The following TSHZ3 variants were observed in gnomAD, a reference collection of about 807,000 sequenced individuals.
TSHZ3 encodes the protein teashirt homolog 3.
In TSHZ3, 10 loss-of-function variants were observed where a neutral mutation model predicts 64.5. The observed-to-expected ratio is 0.16, with a 90% CI of 0.10 to 0.26. TSHZ3 has a LOEUF of 0.26. Ranked by LOEUF, TSHZ3 falls within the 10% of genes least tolerant of loss-of-function variation. The pLI, the probability that TSHZ3 is intolerant of heterozygous loss-of-function variation, is 1.00. For missense variants in TSHZ3, 1,242 were observed against 1,421.7 expected (o/e 0.87, Z 2.03); for synonymous variants, 608 against 593.1 (o/e 1.03, Z -0.36).
intron 5 of TSHZ3, among the ~76,000 whole-genome samples, chr19:31,166,453 A>C (rs1974453469): frequency 6.6e-6 from 1 of 152,158 alleles, no homozygotes; most frequent in Non-Finnish European, 1.5e-5. Context: ...TATCCTCTGT[A>C]GGGCATTCTA....
At chr19:31,323,393 C>T (rs577342352) in intron 1 of TSHZ3, among the ~76,000 whole-genome samples, 8 of 152,278 alleles carry the variant, frequency 5.3e-5, no homozygotes, top group African/African-American at 1.2e-4. Context: ...GGTGAGCTCC[C>T]GTAAATAGGT....
At chr19:31,263,586 A>G (rs1254272320) in intron 1 of TSHZ3, among the ~76,000 whole-genome samples, 3 of 152,148 alleles carry the variant, frequency 2.0e-5, no homozygotes, top group Non-Finnish European at 4.4e-5. Context: ...GACTTCCTGC[A>G]TGGGGCCACT....
chr19:31,245,420 C>T (rs1975747777), intron 1 of TSHZ3, among the ~76,000 whole-genome samples: 2 of 152,176 alleles, frequency 1.3e-5, no homozygotes, highest in Non-Finnish European at 2.9e-5. Flanking sequence ...AGAAGCTGCT[C>T]TTAAAAGAAA....
Position 31,277,167 on chromosome 19 carries a change from C to A in TSHZ3, c.2626G>T (p.Gly876Trp). 6.2e-7 allele frequency: 1 copy of A among 1,613,912 alleles called. No homozygotes were observed. The highest frequency in any genetic ancestry group is 1.1e-5 in the South Asian group (1 of 91,042). ...SSISEKSDID[G>W]ATLEEAEEST... ...TCCTCAGCCTCCTCCAGAGTGGCCC[C>A]GTCAATGTCAGACTTCTCGGAGATG... The change falls in exon 2 of 2, where the codon GGG (glycine) becomes TGG (tryptophan). Residue 876 changes from glycine (G) to tryptophan (W), a missense_variant. This residue lies in a region of TSHZ3 where 550 missense variants were observed against 545.1 expected (regional missense o/e 1.01). Transcript: ENST00000240587. The surrounding 1 kb of genome is among the most constrained non-coding windows in gnomAD (Gnocchi z 4.5).
chr19:31,299,402 A>C (rs1976717887), intron 1 of TSHZ3, among the ~76,000 whole-genome samples: 1 of 152,220 alleles, frequency 6.6e-6, no homozygotes, highest in South Asian at 2.1e-4. Context: ...TAGATAAAGC[A>C]AGAAATGTCA....
intron 4 of TSHZ3, among the ~76,000 whole-genome samples, chr19:31,206,118 T>C (rs1223125651): frequency 1.3e-5 from 2 of 151,326 alleles, no homozygotes; most frequent in African/African-American, 2.4e-5. Context: ...GATGGATGGA[T>C]GGATGGATGG....
chr19:31,325,888 C>T (rs1340839711), intron 1 of TSHZ3, among the ~76,000 whole-genome samples: 8 of 152,122 alleles, frequency 5.3e-5, no homozygotes, highest in Admixed American at 5.2e-4. Flanking sequence ...CAGCTGAAAC[C>T]TAACATGATA....
intron 1 of TSHZ3, among the ~76,000 whole-genome samples, chr19:31,320,872 G>A (rs895484984): frequency 3.6e-4 from 55 of 152,268 alleles, no homozygotes; most frequent in African/African-American, 1.3e-3. Flanking sequence ...ACTGAGTCCT[G>A]CGCAGTGTTC....
At chr19:31,238,313 T>C (rs1975646314) in intron 3 of TSHZ3, among the ~76,000 whole-genome samples, 1 of 150,764 alleles carries the variant, frequency 6.6e-6, no homozygotes, top group Non-Finnish European at 1.5e-5. Context: ...TGCAGAGCAA[T>C]GGCACAATCT....
intron 1 of TSHZ3, among the ~76,000 whole-genome samples, chr19:31,327,975 C>T (rs937980149): frequency 2.0e-5 from 3 of 152,188 alleles, no homozygotes; most frequent in Middle Eastern, 3.2e-3. Flanking sequence ...CATTTGACAA[C>T]ATCATTCTAG....
chr19:31,277,776 G>A lies in TSHZ3; in HGVS notation c.2017C>T (p.Pro673Ser), dbSNP rs746695797. 2 of 1,534,204 alleles carry A rather than the reference G, an allele frequency of 1.3e-6. No homozygotes were observed. ...CCATCCTTGCACCCATCCCGCGGGG[G>A]GCTGGGGCTGTTCTCCTGGCTGCGG... ...GFRSQENSPS[P>S]PRDGCKDGSP... is the part of the protein sequence containing the mutation. The change falls in exon 2 of 2, where the codon CCC becomes TCC. Residue 673 changes from proline (P) to serine (S), a missense_variant. By Grantham distance (74) the Pro-to-Ser change is moderately conservative. Around this residue, in one of 4 missense-constraint regions of TSHZ3, gnomAD observed 550 missense variants for 545.1 expected, o/e 1.01. Coordinates refer to ENST00000240587, the MANE Select transcript of TSHZ3 (RefSeq NM_020856.4). This position sits in a 1 kb window ranked among gnomAD's most constrained non-coding sequence, Gnocchi z 4.5.
chr19:31,179,834 TG>T (rs1974682765), intron 5 of TSHZ3, among the ~76,000 whole-genome samples: 1 of 149,276 alleles, frequency 6.7e-6, no homozygotes, highest in Admixed American at 6.6e-5. Context: ...ATGGAGGTGG[TG>T]GTGGTGGTGG....
At chr19:31,170,123 C>A (rs902423047) in intron 5 of TSHZ3, among the ~76,000 whole-genome samples, 14 of 152,128 alleles carry the variant, frequency 9.2e-5, no homozygotes, top group Admixed American at 7.2e-4. Context: ...TGATTGGGGA[C>A]AAATGTGATG....
At chr19:31,348,280 T>C (rs140614307) in intron 1 of TSHZ3, among the ~76,000 whole-genome samples, 1 of 152,184 alleles carries the variant, frequency 6.6e-6, no homozygotes, top group Non-Finnish European at 1.5e-5. Flanking sequence ...GATCAATCAG[T>C]CATCAAATCA....
At chr19:31,200,840 A>C (rs1166704362) in intron 5 of TSHZ3, among the ~76,000 whole-genome samples, 3 of 152,140 alleles carry the variant, frequency 2.0e-5, no homozygotes, top group Non-Finnish European at 2.9e-5. Flanking sequence ...AGGGGGGTGC[A>C]TGGGAAATCT....
intron 1 of TSHZ3, among the ~76,000 whole-genome samples, chr19:31,269,058 G>T (rs1427760248): frequency 1.3e-5 from 2 of 152,104 alleles, no homozygotes; most frequent in Non-Finnish European, 2.9e-5. Context: ...TTGCAGGAAA[G>T]CCGCCTTCCT....
At chr19:31,303,771 G>A (rs1976795576) in intron 1 of TSHZ3, among the ~76,000 whole-genome samples, 1 of 152,198 alleles carries the variant, frequency 6.6e-6, no homozygotes, top group South Asian at 2.1e-4. Flanking sequence ...GTCATGGGAT[G>A]AGCCATCGGC....
At chr19:31,329,127 C>T (rs1433981449) in intron 1 of TSHZ3, among the ~76,000 whole-genome samples, 1 of 152,134 alleles carries the variant, frequency 6.6e-6, no homozygotes, top group Non-Finnish European at 1.5e-5. Context: ...GCACTGAAAA[C>T]GGATATTTGT....
chr19:31,330,603 G>C (rs1275501368), intron 1 of TSHZ3, among the ~76,000 whole-genome samples: 1 of 152,070 alleles, frequency 6.6e-6, no homozygotes, highest in African/African-American at 2.4e-5. Flanking sequence ...GGAATGGCGG[G>C]GTGCAAAATG....
Sources: gnomAD v4.1 joint callset for allele counts (sites outside exome capture counted in the v4.1 genomes callset) on GRCh38, gnomAD v4.1.1 for gene constraint, gnomAD v4.1.1 regional missense constraint, Gnocchi (gnomAD v3.1) non-coding constraint, MANE v1.5 for transcripts, NCBI Gene and HGNC (gene_info 2026-07-23, HGNC 2026-07-21) for gene names.